ITGA3: variants seen among roughly 807,000 people sequenced by gnomAD.
ITGA3 encodes the protein integrin subunit alpha 3.
A neutral mutation model predicts 131.1 loss-of-function variants in ITGA3; 70 were observed. The observed-to-expected ratio is 0.53, with a 90% CI of 0.44 to 0.65. The LOEUF (loss-of-function observed/expected upper bound fraction) is 0.65, where lower values mean the gene tolerates loss of function less well. Among genes scored for constraint, ITGA3 ranks in the 30% least tolerant of loss-of-function variants. The pLI is 0.00. For synonymous variants in ITGA3, 537 were observed against 571.6 expected (o/e 0.94, Z 0.86); for missense variants, 1,098 against 1,388.6 (o/e 0.79, Z 3.33).
In ITGA3 at chr17:50,064,659, A is replaced by C; in HGVS notation, c.414+52A>C. 6.7e-7 allele frequency: 1 copy of C among 1,483,630 alleles called. No homozygotes were observed. Among genetic ancestry groups the C allele is most frequent in the Non-Finnish European group, 9.3e-7 (1 of 1,078,060 alleles). 91.9% of individuals were successfully genotyped at this position (1,483,630 alleles called of 1,614,324 possible). A position where few individuals can be genotyped will look rare whatever the true frequency, so the allele number is the denominator to read the frequency against. On this transcript the variant is annotated intron_variant, in intron 3 of 25. Transcript: ENST00000320031. The surrounding 1 kb of genome is among the most constrained non-coding windows in gnomAD (Gnocchi z 4.4). ...TCCACCTCTACCCGGCTCTCCCCTC[A>C]TCTCCAGAGCTGGGAGGAAAGAAGA...
intron 1 of ITGA3, among the ~76,000 whole-genome samples, chr17:50,059,813 T>C (rs909658398): frequency 3.3e-5 from 5 of 151,992 alleles, no homozygotes; most frequent in African/African-American, 1.2e-4. Flanking sequence ...ACAGGAAAAA[T>C]ACTGAAGAGC....
chr17:50,089,065 A>G, intron 25 of ITGA3, 45 bp from the exon 26 acceptor site: 1 of 1,562,630 alleles, frequency 6.4e-7, no homozygotes, highest in South Asian at 1.1e-5. Flanking sequence ...CTGGTGGCTC[A>G]AACTCTGGAT....
At position 50,077,086 on chromosome 17, in the gene ITGA3, G is replaced by A; in HGVS notation, c.2035G>A (p.Val679Met). ...CCACGAGGCGCTGCTCACCCTGGTG[G>A]TGCCTCCCGCCCTGCTGCTGTCCTC... ...DAHEALLTLV[V>M]PPALLLSSVR... is the part of the protein sequence containing the mutation. The change falls in exon 15 of 26, where the codon GTG becomes ATG. Residue 679 changes from valine to methionine, a missense_variant. Around this residue, in one of 3 missense-constraint regions of ITGA3, gnomAD observed 699 missense variants for 829.2 expected, o/e 0.84. Coordinates refer to ENST00000320031, the MANE Select transcript of ITGA3 (RefSeq NM_002204.4). 2.5e-6 allele frequency: 4 copies of A among 1,582,984 alleles called. No individual in the cohort carries two copies. The South Asian group carries it at 3.4e-5, about 13-fold the overall frequency.
At chr17:50,074,425 G>A in intron 9 of ITGA3, 23 bp from the exon 10 acceptor site, 2 of 1,612,372 alleles carry the variant, frequency 1.2e-6, no homozygotes, top group Non-Finnish European at 1.7e-6. Flanking sequence ...ACTGATATCT[G>A]TCTGGCTCTG....
rs1053085327 is a variant in ITGA3, at chr17:50,071,241, G to A, written c.752-70G>A. The A allele has an allele frequency of 5.2e-6, 7 of 1,346,056 alleles. No individual in the cohort carries two copies. The African/African-American group carries it at 1.0e-4, about 19-fold the overall frequency. The allele number at this position is 1,346,056 out of a possible 1,614,324, so 83.4% of individuals were successfully genotyped here. ...GGTGGGGGGCAAGAGAGGGAATAGG[G>A]AGATGGGTCCAGAGTAGAAAGAGAC... On this transcript the variant is annotated intron_variant, in intron 5 of 25. Transcript: ENST00000320031.
Position 50,079,463 on chromosome 17 carries a change from A to G in ITGA3, c.2612A>G (p.Gln871Arg). The change falls in exon 21 of 26, where the codon CAG (glutamine) becomes CGG (arginine). Residue 871 changes from glutamine to arginine, a missense_variant. Coordinates refer to ENST00000320031, the MANE Select transcript of ITGA3 (RefSeq NM_002204.4). ...CCTGGGGACAGGCCATCATCCCCAC[A>G]GCGCAGGCGGCGACAGCTGGATCCA... ...SDPGDRPSSPQRRRRQLDPGG... is the reference protein window; with the variant it reads ...SDPGDRPSSPRRRRRQLDPGG... The G allele has an allele frequency of 6.3e-7, 1 of 1,577,174 alleles. No individual in the cohort carries two copies. The highest frequency in any genetic ancestry group is 8.6e-7 in the Non-Finnish European group (1 of 1,162,924).
intron 14 of ITGA3, 130 bp downstream of exon 14, chr17:50,076,811 G>A: frequency 8.7e-7 from 1 of 1,156,068 alleles, no homozygotes; most frequent in Admixed American, 2.0e-5. Flanking sequence ...CAGGTGGGAT[G>A]GTCAGAAACG....
chr17:50,066,069 A>G, intron 3 of ITGA3: 1 of 150,862 alleles, frequency 6.6e-6, no homozygotes, highest in East Asian at 1.9e-4. Context: ...CCATCTCTCA[A>G]CCAGGCTGGA....
At chr17:50,076,541 TG>T (rs3216895) in intron 13 of ITGA3, 42 bp from the exon 14 acceptor site, 161 of 1,582,690 alleles carry the variant, frequency 1.0e-4, no homozygotes, top group Non-Finnish European at 1.0e-4. Context: ...GAGAGGGCAC[TG>T]GGGGGGGTGG....
rs986221935 is a variant in ITGA3, at chr17:50,089,342, T to C, written c.*264T>C. ...TTATCATAAGTTATGCCTCTGACAG[T>C]CCACAGGGGCCACCACCTTTGGCTG... On this transcript the variant is annotated 3_prime_UTR_variant, in exon 26 of 26. Coordinates refer to ENST00000320031, the MANE Select transcript of ITGA3 (RefSeq NM_002204.4). 5.4e-6 allele frequency: 7 copies of C among 1,297,838 alleles called. No individual in the cohort carries two copies. In the African/African-American group the frequency reaches 1.0e-4, roughly 19 times the overall value. The allele number at this position is 1,297,838 out of a possible 1,614,324, so 80.4% of individuals were successfully genotyped here.
intron 23 of ITGA3, among the ~76,000 whole-genome samples, chr17:50,082,419 C>T (rs1355989605): frequency 1.3e-5 from 2 of 152,126 alleles, no homozygotes; most frequent in Non-Finnish European, 2.9e-5. Flanking sequence ...CCTTGTGATC[C>T]ACCTGCCTCG....
chr17:50,088,184 C>T (rs775087450), intron 24 of ITGA3, 41 bp from the exon 25 acceptor site: 6 of 1,538,262 alleles, frequency 3.9e-6, no homozygotes, highest in African/African-American at 2.7e-5. Context: ...GATAGCCCAG[C>T]GCCCCCCTGA....
In ITGA3 at chr17:50,088,227, C is replaced by T. The variant is rs775983973; in HGVS notation, c.3048C>T (p.Cys1016=). 1.4e-4 allele frequency: 212 copies of T among 1,559,558 alleles called. No homozygotes were observed. The highest frequency in any genetic ancestry group is 1.8e-4 in the Non-Finnish European group (204 of 1,151,738). The change falls in exon 25 of 26, where the codon TGC becomes TGT. Residue 1016 remains cysteine, a splice_region_variant and synonymous_variant. Transcript: ENST00000320031. ...TCCCCACCTCCTCCCCTCCGCAGTGCGGCTTCTTCAAGCGAGCCCGCACTC... is the reference window on the plus strand; with the variant it reads ...TCCCCACCTCCTCCCCTCCGCAGTGTGGCTTCTTCAAGCGAGCCCGCACTC... ...LGLIILLLWK[C]GFFKRARTRA... is the part of the protein sequence containing the mutation.
chr17:50,082,162 C>T (rs1286491220), intron 23 of ITGA3, among the ~76,000 whole-genome samples: 1 of 151,590 alleles, frequency 6.6e-6, no homozygotes. Context: ...TAATTTATTT[C>T]TTTATTCATG....
At chr17:50,079,017 T>A in intron 19 of ITGA3, 59 bp from the exon 20 acceptor site, 1 of 1,548,790 alleles carries the variant, frequency 6.5e-7, no homozygotes, top group Non-Finnish European at 8.9e-7. Context: ...GGTTGGGGGT[T>A]GGTAAGATGG....
Position 50,077,366 on chromosome 17 carries a change from C to T in ITGA3, c.2071-13C>T. On this transcript the variant is annotated splice_polypyrimidine_tract_variant and intron_variant, in intron 15 of 25. Transcript: ENST00000320031. ...TTGACCCGACCCTGACCTTATTCGC[C>T]TTCTTTCCTCAGCCCGGGGCCTGCC... is the stretch of plus-strand genomic sequence containing the variant. The T allele has an allele frequency of 3.1e-6, 5 of 1,613,096 alleles. No homozygotes were observed. Among genetic ancestry groups the T allele is most frequent in the Non-Finnish European group, 4.2e-6 (5 of 1,179,152 alleles).
Position 50,056,559 on chromosome 17 carries a change from G to A in ITGA3, c.120G>A (p.Leu40=). 1 of 1,570,862 alleles carries A rather than the reference G, an allele frequency of 6.4e-7. No homozygotes were observed. The highest frequency in any genetic ancestry group is 8.6e-7 in the Non-Finnish European group (1 of 1,159,022). Residue 40 remains leucine, a synonymous_variant, in exon 1 of 26, where the codon CTG becomes CTA. Coordinates refer to ENST00000320031, the MANE Select transcript of ITGA3 (RefSeq NM_002204.4). This position sits in a 1 kb window ranked among gnomAD's most constrained non-coding sequence, Gnocchi z 5.6. ...CCTTCAACCTGGATACCCGATTCCTGGTAGTGAAGGAGGCCGGGAACCCGG... is the reference window on the plus strand; with the variant it reads ...CCTTCAACCTGGATACCCGATTCCTAGTAGTGAAGGAGGCCGGGAACCCGG... ...VSAFNLDTRF[L]VVKEAGNPGS...
intron 23 of ITGA3, chr17:50,086,588 C>T (rs1909444556): frequency 6.8e-6 from 1 of 148,130 alleles, no homozygotes; most frequent in Non-Finnish European, 1.5e-5. Flanking sequence ...ACTTGGGAGG[C>T]TGCAGCAGGA....
At chr17:50,061,605 G>A (rs552899034) in intron 1 of ITGA3, among the ~76,000 whole-genome samples, 3 of 152,142 alleles carry the variant, frequency 2.0e-5, no homozygotes, top group Admixed American at 6.5e-5. Context: ...AGCTGCCAGC[G>A]CTCCCACCCT....
Sources: gnomAD v4.1 joint callset for allele counts (sites outside exome capture counted in the v4.1 genomes callset) on GRCh38, gnomAD v4.1.1 for gene constraint, gnomAD v4.1.1 regional missense constraint, Gnocchi (gnomAD v3.1) non-coding constraint, MANE v1.5 for transcripts, NCBI Gene and HGNC (gene_info 2026-07-23, HGNC 2026-07-21) for gene names.